Variants in CACNA1A observed in about 807,000 individuals in gnomAD.
CACNA1A encodes the protein voltage-dependent P/Q-type calcium channel subunit alpha-1A.
Under a neutral mutation model 262.4 loss-of-function variants are expected in CACNA1A, and 57 were observed. The ratio of observed to expected loss-of-function variants is 0.22; its 90% CI spans 0.18 to 0.27. CACNA1A has a LOEUF of 0.27. Among genes scored for constraint, CACNA1A ranks in the 10% least tolerant of loss-of-function variants. The pLI, the probability that CACNA1A is intolerant of heterozygous loss-of-function variation, is 1.00. For missense variants in CACNA1A, 2,526 were observed against 3,562.8 expected, an observed-to-expected ratio of 0.71 and a Z score of 7.41; for synonymous variants, 1,431 against 1,419.3, an observed-to-expected ratio of 1.01 and a Z score of -0.18.
At chr19:13,401,348 C>T (rs2059897077) in intron 3 of CACNA1A, among the ~76,000 whole-genome samples, 1 of 152,180 alleles carries the variant, frequency 6.6e-6, no homozygotes, top group South Asian at 2.1e-4. Context: ...CATGTTCTCA[C>T]TAATACATGT....
At chr19:13,483,903 C>A (rs144825515) in intron 1 of CACNA1A, among the ~76,000 whole-genome samples, 2 of 152,340 alleles carry the variant, frequency 1.3e-5, no homozygotes, top group East Asian at 3.9e-4. Context: ...GTCAGGCCCA[C>A]TGACCTCACA....
intron 30 of CACNA1A, among the ~76,000 whole-genome samples, chr19:13,248,240 A>G (rs2056300812): frequency 6.6e-6 from 1 of 151,882 alleles, no homozygotes; most frequent in Non-Finnish European, 1.5e-5. Flanking sequence ...GCTCCCCTCT[A>G]TCTCCCAAAT....
intron 30 of CACNA1A, among the ~76,000 whole-genome samples, chr19:13,245,874 G>A (rs1239251536): frequency 6.6e-6 from 1 of 152,082 alleles, no homozygotes; most frequent in Non-Finnish European, 1.5e-5. Context: ...GTTTCACCAT[G>A]TTGGTCAGGC....
chr19:13,446,442 C>CTT (rs547034790), intron 3 of CACNA1A, among the ~76,000 whole-genome samples: 23,523 of 122,326 alleles, frequency 0.19, 2,841 homozygotes, highest in East Asian at 0.34. Context: ...TTTTTTCTTT[C>CTT]TTTTTTTTTT....
chr19:13,438,917 T>G (rs574658330), intron 3 of CACNA1A, among the ~76,000 whole-genome samples: 61 of 152,302 alleles, frequency 4.0e-4, no homozygotes, highest in Non-Finnish European at 6.5e-4. Flanking sequence ...TTTTATATTT[T>G]TAGCAGAGAC....
chr19:13,305,475 G>C (rs1317600033), intron 15 of CACNA1A, among the ~76,000 whole-genome samples: 1 of 152,162 alleles, frequency 6.6e-6, no homozygotes, highest in Non-Finnish European at 1.5e-5. Flanking sequence ...TCCCCATGAG[G>C]ATAAAGTAAA....
At chr19:13,392,482 A>G (rs567551141) in intron 3 of CACNA1A, among the ~76,000 whole-genome samples, 2 of 152,320 alleles carry the variant, frequency 1.3e-5, no homozygotes, top group South Asian at 4.1e-4. Flanking sequence ...GATGAATCCA[A>G]TTGATGGAGT....
At chr19:13,460,645 T>C (rs2061104307) in intron 1 of CACNA1A, among the ~76,000 whole-genome samples, 1 of 151,606 alleles carries the variant, frequency 6.6e-6, no homozygotes, top group African/African-American at 2.4e-5. Flanking sequence ...CCTCCCCTCA[T>C]CTCCTCTATT....
intron 30 of CACNA1A, among the ~76,000 whole-genome samples, chr19:13,248,409 CA>C (rs61481896): frequency 0.25 from 14,657 of 58,650 alleles, 717 homozygotes; most frequent in African/African-American, 0.35. Context: ...GATCCCATCT[CA>C]AAAAAAAAAA....
At chr19:13,376,235 T>C (rs1342672141) in intron 3 of CACNA1A, among the ~76,000 whole-genome samples, 11 of 152,222 alleles carry the variant, frequency 7.2e-5, no homozygotes, top group African/African-American at 2.7e-4. Flanking sequence ...TTAATGTAGA[T>C]GAAATGCCCT....
chr19:13,432,345 G>A (rs2144835803), intron 3 of CACNA1A, among the ~76,000 whole-genome samples: 1 of 151,768 alleles, frequency 6.6e-6, no homozygotes, highest in Admixed American at 6.6e-5. Flanking sequence ...AACCCAGGAG[G>A]CGGAGGTTGC....
At chr19:13,465,433 G>A (rs1477738816) in intron 1 of CACNA1A, among the ~76,000 whole-genome samples, 3 of 152,100 alleles carry the variant, frequency 2.0e-5, no homozygotes, top group East Asian at 3.8e-4. Context: ...AATTAAACAC[G>A]ATGTTGCCTT....
At chr19:13,429,898 G>A (rs1025306123) in intron 3 of CACNA1A, among the ~76,000 whole-genome samples, 1 of 150,584 alleles carries the variant, frequency 6.6e-6, no homozygotes, top group Non-Finnish European at 1.5e-5. Flanking sequence ...CTACTCACAG[G>A]GGGGACCCAA....
chr19:13,402,741 TACACATATATATAC>T (rs1209161887), intron 3 of CACNA1A, among the ~76,000 whole-genome samples: 11 of 144,968 alleles, frequency 7.6e-5, no homozygotes, highest in African/African-American at 2.8e-4. Flanking sequence ...TACATATATA[TACACATATATATAC>T]ACACATATAT....
At chr19:13,396,593 A>T (rs2059815814) in intron 3 of CACNA1A, among the ~76,000 whole-genome samples, 1 of 152,246 alleles carries the variant, frequency 6.6e-6, no homozygotes, top group Admixed American at 6.5e-5. Context: ...GTTAAATTTT[A>T]ATGAATGTAC....
At chr19:13,298,339 C>G (rs2057711073) in intron 19 of CACNA1A, among the ~76,000 whole-genome samples, 2 of 148,916 alleles carry the variant, frequency 1.3e-5, no homozygotes, top group East Asian at 4.0e-4. Flanking sequence ...CCATCTTGGC[C>G]AGGCTGGTCT....
At chr19:13,427,343 T>G (rs1177532903) in intron 3 of CACNA1A, among the ~76,000 whole-genome samples, 1 of 151,952 alleles carries the variant, frequency 6.6e-6, no homozygotes, top group African/African-American at 2.4e-5. Flanking sequence ...TCTCAGCTAC[T>G]CAGGAGGCTG....
Position 13,299,059 on chromosome 19 carries a change from G to A in CACNA1A, c.2574C>T (p.Leu858=). The change falls in exon 19 of 47, where the codon CTC becomes CTT. Residue 858 remains leucine (L), a synonymous_variant. Transcript: ENST00000360228. ...GATCGTGGTAGCGGGCCTGTTTCCTGAGGAAGTCCTCGGCGCGCTGCTGGC... is the reference window on the plus strand; with the variant it reads ...GATCGTGGTAGCGGGCCTGTTTCCTAAGGAAGTCCTCGGCGCGCTGCTGGC... ...RLGQQRAEDF[L]RKQARYHDRA... is the part of the protein sequence containing the mutation. The A allele has an allele frequency of 1.2e-6, 2 of 1,605,882 alleles. No homozygotes were observed. The highest frequency in any genetic ancestry group is 1.7e-6 in the Non-Finnish European group (2 of 1,178,834).
intron 3 of CACNA1A, among the ~76,000 whole-genome samples, chr19:13,379,374 G>A (rs1354877648): frequency 6.6e-6 from 1 of 151,950 alleles, no homozygotes; most frequent in African/African-American, 2.4e-5. Flanking sequence ...TATGTGCACT[G>A]GGAAACCAAA....
Sources: gnomAD v4.1 joint callset for allele counts (sites outside exome capture counted in the v4.1 genomes callset) on GRCh38, gnomAD v4.1.1 for gene constraint, MANE v1.5 for transcripts, NCBI Gene and HGNC (gene_info 2026-07-23, HGNC 2026-07-21) for gene names.